Variants in TMEM45A observed in about 807,000 individuals in gnomAD.
TMEM45A encodes transmembrane protein 45A.
Under a neutral mutation model 32.0 loss-of-function variants are expected in TMEM45A, and 25 were observed. The observed-to-expected ratio is 0.78, with a 90% CI of 0.57 to 1.09. The LOEUF is 1.09. TMEM45A is among the 50% of genes least tolerant of loss of function. The probability of loss-of-function intolerance (pLI) is 0.00; values close to 1 mark genes in which losing one functional copy is unlikely to be tolerated. For missense variants in TMEM45A, 302 were observed against 325.0 expected, an observed-to-expected ratio of 0.93 and a Z score of 0.54; for synonymous variants, 122 against 114.8, an observed-to-expected ratio of 1.06 and a Z score of -0.40.
rs1327152044 is a variant in TMEM45A, at chr3:100,555,356, T to C, written c.145T>C (p.Leu49=). ...TGGTTCCAAAACATTATTCTATCGA[T>C]TGGAAATTTTGGAGGGAATTACAAT... ...YLGSKTLFYR[L]EILEGITIVG... is the part of the protein sequence containing the mutation. Residue 49 remains leucine, a synonymous_variant, in exon 2 of 6, where the codon TTG becomes CTG. Coordinates refer to ENST00000323523, the MANE Select transcript of TMEM45A (RefSeq NM_018004.3). 7 of 1,613,846 alleles carry C rather than the reference T, an allele frequency of 4.3e-6. No individual in the cohort carries two copies. Among genetic ancestry groups the C allele is most frequent in the Middle Eastern group, 3.3e-4 (2 of 6,082 alleles).
intron 1 of TMEM45A, among the ~76,000 whole-genome samples, chr3:100,515,238 A>T (rs1708240275): frequency 6.6e-6 from 1 of 152,116 alleles, no homozygotes; most frequent in African/African-American, 2.4e-5. Flanking sequence ...CAAATGTCCA[A>T]CAATGATAGA....
chr3:100,546,440 T>C (rs983957939), intron 1 of TMEM45A, among the ~76,000 whole-genome samples: 12 of 152,258 alleles, frequency 7.9e-5, no homozygotes, highest in Admixed American at 7.9e-4. Context: ...TGATAAATCA[T>C]TGCTCACTGA....
chr3:100,559,600 TTTAA>T (rs1280621284), intron 4 of TMEM45A, among the ~76,000 whole-genome samples: 1 of 152,102 alleles, frequency 6.6e-6, no homozygotes, highest in African/African-American at 2.4e-5. Context: ...AATTGGTGAA[TTTAA>T]TTATATAAAA....
At chr3:100,525,006 T>C (rs1163474539) in intron 1 of TMEM45A, among the ~76,000 whole-genome samples, 1 of 151,916 alleles carries the variant, frequency 6.6e-6, no homozygotes, top group Non-Finnish European at 1.5e-5. Context: ...CTGGGCAACA[T>C]AGTGAGACCT....
chr3:100,547,531 T>G (rs1175032534), intron 1 of TMEM45A, among the ~76,000 whole-genome samples: 2 of 152,004 alleles, frequency 1.3e-5, no homozygotes, highest in African/African-American at 4.8e-5. Flanking sequence ...TGGATCATCA[T>G]AAAGGTCTTC....
At chr3:100,558,616 C>T (rs773613417) in intron 4 of TMEM45A, 27 bp downstream of exon 4, 4 of 1,603,296 alleles carry the variant, frequency 2.5e-6, no homozygotes, top group Admixed American at 1.7e-5. Flanking sequence ...AGTTAATGTA[C>T]CTGGACTCTT....
chr3:100,508,273 G>A (rs575529297), intron 1 of TMEM45A, among the ~76,000 whole-genome samples: 6 of 152,194 alleles, frequency 3.9e-5, no homozygotes, highest in African/African-American at 1.4e-4. Flanking sequence ...CACACACATA[G>A]CCCAAGACTG....
intron 1 of TMEM45A, among the ~76,000 whole-genome samples, chr3:100,551,703 T>G (rs749903164): frequency 6.6e-6 from 1 of 152,232 alleles, no homozygotes; most frequent in Non-Finnish European, 1.5e-5. Flanking sequence ...GGAGTAACTG[T>G]ATCTGTTGGG....
intron 1 of TMEM45A, among the ~76,000 whole-genome samples, chr3:100,510,605 G>A (rs1413482033): frequency 6.6e-6 from 1 of 152,198 alleles, no homozygotes; most frequent in Non-Finnish European, 1.5e-5. Flanking sequence ...CACCAGCAAT[G>A]GAACAAAGCT....
intron 1 of TMEM45A, among the ~76,000 whole-genome samples, chr3:100,507,130 A>G (rs2148932039): frequency 6.6e-6 from 1 of 152,318 alleles, no homozygotes; most frequent in Non-Finnish European, 1.5e-5. Context: ...GAGATTTGGA[A>G]GGTTTTAAAT....
intron 1 of TMEM45A, among the ~76,000 whole-genome samples, chr3:100,540,793 T>C (rs1220061607): frequency 2.0e-5 from 3 of 152,330 alleles, no homozygotes; most frequent in East Asian, 1.9e-4. Flanking sequence ...TGCACAAATA[T>C]ATCCTTCCAT....
At chr3:100,499,012 C>A (rs1330157526) in intron 1 of TMEM45A, among the ~76,000 whole-genome samples, 1 of 152,038 alleles carries the variant, frequency 6.6e-6, no homozygotes, top group Non-Finnish European at 1.5e-5. Flanking sequence ...GCTTATTGGC[C>A]ATTTGTAAAT....
At chr3:100,532,187 TG>T (rs1015889640) in intron 1 of TMEM45A, among the ~76,000 whole-genome samples, 1 of 152,182 alleles carries the variant, frequency 6.6e-6, no homozygotes, top group African/African-American at 2.4e-5. Context: ...ATCAACACCC[TG>T]GAACACTCAG....
rs190597964 is a variant in TMEM45A, at chr3:100,503,129, A to G, written c.-4+10201A>G. Among the ~76,000 whole-genome samples, 289 of 151,036 alleles carry G rather than the reference A, an allele frequency of 1.9e-3. 2 individuals carry two copies. The highest frequency in any genetic ancestry group is 6.6e-3 in the African/African-American group (269 of 41,048). On this transcript the variant is annotated intron_variant, in intron 1 of 5. Coordinates refer to ENST00000323523, the MANE Select transcript of TMEM45A (RefSeq NM_018004.3). ...CTTCCTCTTCTTCTTTTATTGAGAC[A>G]CAGTTTCACTCTGTCATCCAGGCTG... is the stretch of plus-strand genomic sequence containing the variant.
At chr3:100,557,053 C>A in intron 3 of TMEM45A, 81 bp downstream of exon 3, 1 of 1,424,460 alleles carries the variant, frequency 7.0e-7, no homozygotes, top group Middle Eastern at 2.3e-4. Context: ...ATACCTCTGG[C>A]ATCTTGTTGC....
At chr3:100,495,472 T>C (rs1707911136) in intron 1 of TMEM45A, among the ~76,000 whole-genome samples, 1 of 152,038 alleles carries the variant, frequency 6.6e-6, no homozygotes, top group South Asian at 2.1e-4. Context: ...GGGAGGTTAG[T>C]TGGAGGAAAG....
chr3:100,501,247 T>C (rs985871307), intron 1 of TMEM45A, among the ~76,000 whole-genome samples: 1 of 152,234 alleles, frequency 6.6e-6, no homozygotes, highest in Admixed American at 6.5e-5. Context: ...AGACTAGTCC[T>C]GTGGTACCTA....
intron 1 of TMEM45A, among the ~76,000 whole-genome samples, chr3:100,533,946 G>A (rs567343169): frequency 2.0e-5 from 3 of 152,102 alleles, no homozygotes; most frequent in Admixed American, 6.5e-5. Flanking sequence ...AAAAAATGAC[G>A]CCTGGGTCCA....
chr3:100,557,740 C>T (rs1559650636), intron 3 of TMEM45A, among the ~76,000 whole-genome samples: 1 of 152,040 alleles, frequency 6.6e-6, no homozygotes, highest in Non-Finnish European at 1.5e-5. Flanking sequence ...ACTAATAGCC[C>T]GGTTCTCATT....
Sources: allele counts gnomAD v4.1 joint callset (sites outside exome capture counted in the v4.1 genomes callset), GRCh38; gene constraint gnomAD v4.1.1; transcripts MANE v1.5; gene names NCBI Gene and HGNC (gene_info 2026-07-23, HGNC 2026-07-21).